The following AUTS2 variants were observed in gnomAD, a reference collection of about 807,000 sequenced individuals.
AUTS2 encodes activator of transcription and developmental regulator AUTS2.
AUTS2 carries 17 observed loss-of-function variants against 112.4 expected under a neutral mutation model. The ratio of observed to expected loss-of-function variants is 0.15; its 90% CI spans 0.10 to 0.23. The LOEUF (loss-of-function observed/expected upper bound fraction) is 0.23. Ranked by LOEUF, AUTS2 falls within the 10% of genes least tolerant of loss-of-function variation. The probability of loss-of-function intolerance (pLI) is 1.00; values close to 1 mark genes in which losing one functional copy is unlikely to be tolerated. For missense variants in AUTS2, 1,510 were observed against 1,701.6 expected (o/e 0.89, Z 1.98); for synonymous variants, 751 against 702.7 (o/e 1.07, Z -1.09).
intron 1 of AUTS2, among the ~76,000 whole-genome samples, chr7:69,690,746 C>T (rs1797301405): frequency 1.3e-5 from 2 of 152,210 alleles, no homozygotes; most frequent in African/African-American, 4.8e-5. Flanking sequence ...AGGGCTGCAA[C>T]TCTTCTCTCT....
At chr7:69,974,124 A>G (rs1797964875) in intron 2 of AUTS2, among the ~76,000 whole-genome samples, 3 of 151,832 alleles carry the variant, frequency 2.0e-5, no homozygotes, top group African/African-American at 7.2e-5. Context: ...TGGGCTACTT[A>G]AATTACTGTT....
At chr7:70,220,218 T>C (rs918881460) in intron 4 of AUTS2, among the ~76,000 whole-genome samples, 3 of 152,232 alleles carry the variant, frequency 2.0e-5, no homozygotes, top group Non-Finnish European at 4.4e-5. Context: ...TAATTTTTAT[T>C]TGTCACAAAA....
intron 4 of AUTS2, among the ~76,000 whole-genome samples, chr7:70,185,284 T>TTTTTTTA (rs1269182106): frequency 7.2e-6 from 1 of 139,854 alleles, no homozygotes; most frequent in Non-Finnish European, 1.6e-5. Flanking sequence ...TTTTTTTTTT[T>TTTTTTTA]AAGAAACGAG....
At chr7:69,815,910 C>T (rs992581218) in intron 1 of AUTS2, among the ~76,000 whole-genome samples, 6 of 152,216 alleles carry the variant, frequency 3.9e-5, no homozygotes, top group African/African-American at 9.7e-5. Context: ...GACTACTTCA[C>T]GCTGTTTACT....
intron 1 of AUTS2, among the ~76,000 whole-genome samples, chr7:69,892,515 A>G (rs1400615389): frequency 6.6e-6 from 1 of 152,146 alleles, no homozygotes; most frequent in Non-Finnish European, 1.5e-5. Context: ...ATATTTTTCC[A>G]TTCTGTGGCT....
intron 1 of AUTS2, among the ~76,000 whole-genome samples, chr7:69,674,884 A>G (rs1796488365): frequency 6.6e-6 from 1 of 152,202 alleles, no homozygotes; most frequent in Non-Finnish European, 1.5e-5. Flanking sequence ...GTCAGGACAG[A>G]AGGCGTACTG....
chr7:70,187,774 T>G (rs1325298732), intron 4 of AUTS2, among the ~76,000 whole-genome samples: 1 of 145,580 alleles, frequency 6.9e-6, no homozygotes, highest in Non-Finnish European at 1.5e-5. Flanking sequence ...CAACTAGTCT[T>G]CTTTTTTTTT....
At chr7:70,025,146 C>G (rs993036033) in intron 2 of AUTS2, among the ~76,000 whole-genome samples, 1 of 152,084 alleles carries the variant, frequency 6.6e-6, no homozygotes, top group African/African-American at 2.4e-5. Flanking sequence ...AATTGGATAC[C>G]TATTATGTGC....
intron 4 of AUTS2, among the ~76,000 whole-genome samples, chr7:70,310,289 G>A (rs756511894): frequency 1.4e-4 from 22 of 152,036 alleles, no homozygotes; most frequent in Non-Finnish European, 3.1e-4. Flanking sequence ...AATCTCCTAT[G>A]CAGTCTCTGC....
intron 6 of AUTS2, among the ~76,000 whole-genome samples, chr7:70,743,423 T>G (rs903757773): frequency 1.7e-4 from 25 of 144,208 alleles, no homozygotes; most frequent in Admixed American, 5.1e-4. Flanking sequence ...GAGCCGAGAT[T>G]GCGCCACTGT....
chr7:69,797,447 C>T (rs1373210031), intron 1 of AUTS2, among the ~76,000 whole-genome samples: 1 of 152,146 alleles, frequency 6.6e-6, no homozygotes, highest in Non-Finnish European at 1.5e-5. Flanking sequence ...GCAGTGGTTC[C>T]CCTTCACAGG....
At chr7:70,079,851 C>G (rs1803217642) in intron 2 of AUTS2, among the ~76,000 whole-genome samples, 1 of 152,118 alleles carries the variant, frequency 6.6e-6, no homozygotes, top group African/African-American at 2.4e-5. Context: ...GCAGATGGTT[C>G]TGGAGACTGG....
intron 1 of AUTS2, among the ~76,000 whole-genome samples, chr7:69,688,000 T>C (rs531739267): frequency 1.3e-5 from 2 of 152,378 alleles, no homozygotes; most frequent in South Asian, 4.1e-4. Flanking sequence ...TAAAAATATG[T>C]ATTAAGCTGC....
At chr7:70,280,274 T>C (rs1788145070) in intron 4 of AUTS2, among the ~76,000 whole-genome samples, 1 of 151,140 alleles carries the variant, frequency 6.6e-6, no homozygotes, top group Non-Finnish European at 1.5e-5. Flanking sequence ...TTTTTCTTTT[T>C]TCTTTCTTTC....
intron 2 of AUTS2, among the ~76,000 whole-genome samples, chr7:70,063,471 T>C (rs1372060966): frequency 5.3e-5 from 8 of 152,208 alleles, no homozygotes; most frequent in Admixed American, 5.2e-4. Flanking sequence ...TCCTGGCTTG[T>C]GTGATCATGG....
chr7:70,415,401 T>G (rs1794948037), intron 4 of AUTS2, among the ~76,000 whole-genome samples: 1 of 152,252 alleles, frequency 6.6e-6, no homozygotes, highest in South Asian at 2.1e-4. Flanking sequence ...TGTGTAAGCA[T>G]ATTGCATAGT....
chr7:70,098,098 AG>A (rs1804295417), intron 2 of AUTS2, among the ~76,000 whole-genome samples: 1 of 152,200 alleles, frequency 6.6e-6, no homozygotes, highest in Non-Finnish European at 1.5e-5. Context: ...AATGATTAGC[AG>A]GGGCCCAGTA....
chr7:70,338,833 C>CTTCATTTAT lies in AUTS2; in HGVS notation c.661-96917_661-96916insCATTTATTT, dbSNP rs71077651. Among the ~76,000 whole-genome samples the CTTCATTTAT allele has an allele frequency of 2.8e-5, 4 of 141,012 alleles. No individual in the cohort carries two copies. In the Admixed American group the frequency reaches 2.9e-4, roughly 10 times the overall value. 92.5% of individuals were successfully genotyped at this position (141,012 alleles called of 152,430 possible). Reference sequence around the variant, plus strand: ...ACCTAACCCATCTCCAGCCTCATCTCTTATTTATTTATTTATTTATTTATT... The same window carrying CTTCATTTAT: ...ACCTAACCCATCTCCAGCCTCATCTCTTCATTTATTTATTTATTTATTTATTTATTTATT... On this transcript the variant is annotated intron_variant, in intron 4 of 18. Coordinates refer to ENST00000342771, the MANE Select transcript of AUTS2 (RefSeq NM_015570.4).
intron 4 of AUTS2, among the ~76,000 whole-genome samples, chr7:70,278,808 C>A (rs1387824558): frequency 6.6e-6 from 1 of 152,080 alleles, no homozygotes; most frequent in Non-Finnish European, 1.5e-5. Flanking sequence ...TGGTTGTTGT[C>A]GTTCTTTTAG....
Sources: gnomAD v4.1 joint callset for allele counts (sites outside exome capture counted in the v4.1 genomes callset) on GRCh38, gnomAD v4.1.1 for gene constraint, MANE v1.5 for transcripts, NCBI Gene and HGNC (gene_info 2026-07-23, HGNC 2026-07-21) for gene names.